BICD2: variants seen among roughly 807,000 people sequenced by gnomAD.
The protein encoded by BICD2 is protein bicaudal D homolog 2.
In BICD2, 25 loss-of-function variants were observed where a neutral mutation model predicts 72.9. The observed-to-expected ratio is 0.34, with a 90% CI of 0.25 to 0.48. BICD2 has a LOEUF of 0.48. Ranked by LOEUF, BICD2 falls within the 20% of genes least tolerant of loss-of-function variation. The probability of loss-of-function intolerance (pLI) is 0.99; values close to 1 mark genes in which losing one functional copy is unlikely to be tolerated. For missense variants in BICD2, 894 were observed against 1,175.2 expected, an observed-to-expected ratio of 0.76 and a Z score of 3.50; for synonymous variants, 501 against 516.1, an observed-to-expected ratio of 0.97 and a Z score of 0.40.
intron 1 of BICD2, among the ~76,000 whole-genome samples, chr9:92,762,864 C>T (rs963494382): frequency 6.6e-6 from 1 of 152,144 alleles, no homozygotes; most frequent in African/African-American, 2.4e-5. Flanking sequence ...GAGGGAAAAG[C>T]GCCCTAACAG....
At chr9:92,757,849 A>C (rs1214282224) in intron 1 of BICD2, among the ~76,000 whole-genome samples, 1 of 152,204 alleles carries the variant, frequency 6.6e-6, no homozygotes, top group Non-Finnish European at 1.5e-5. Context: ...ACATGGACTC[A>C]CTCTATTACT....
chr9:92,728,805 G>C (rs1853619875), intron 2 of BICD2, among the ~76,000 whole-genome samples: 1 of 152,258 alleles, frequency 6.6e-6, no homozygotes, highest in African/African-American at 2.4e-5. Flanking sequence ...AAGCAAGCCA[G>C]AGGCAGTGGA....
chr9:92,746,532 CA>C (rs60146380), intron 1 of BICD2, among the ~76,000 whole-genome samples: 35,647 of 101,498 alleles, frequency 0.35, 4,874 homozygotes, highest in East Asian at 0.75. Flanking sequence ...ACTCCGTCTC[CA>C]AAAAAAAAAA....
chr9:92,764,283 C>G lies in BICD2; in HGVS notation c.240+222G>C, dbSNP rs114439546. ...CGGGCAGCTGCAGGAGGCGACAAGGCGCCCGGACCCCTGCATTAGCGGCGT... is the reference window on the plus strand; with the variant it reads ...CGGGCAGCTGCAGGAGGCGACAAGGGGCCCGGACCCCTGCATTAGCGGCGT... On this transcript the variant is annotated intron_variant, in intron 1 of 6. Coordinates refer to ENST00000356884, the MANE Select transcript of BICD2 (RefSeq NM_001003800.2). The surrounding 1 kb of genome is among the most constrained non-coding windows in gnomAD (Gnocchi z 5.5). Among the ~76,000 whole-genome samples, 5 of 152,160 alleles carry G rather than the reference C, an allele frequency of 3.3e-5. No individual in the cohort carries two copies. The highest frequency in any genetic ancestry group is 4.8e-5 in the African/African-American group (2 of 41,456).
chr9:92,720,536 G>T lies in BICD2; in HGVS notation c.826C>A (p.Leu276Met). 1 of 1,614,216 alleles carries T rather than the reference G, an allele frequency of 6.2e-7. No homozygotes were observed. The highest frequency in any genetic ancestry group is 1.3e-5 in the African/African-American group (1 of 75,054). Residue 276 changes from leucine to methionine, a missense_variant, in exon 4 of 7, where the codon CTG (leucine) becomes ATG (methionine). Physicochemically the swap from Leu to Met is conservative, Grantham distance 15 (BLOSUM62 2). Around this residue, in one of 5 missense-constraint regions of BICD2, gnomAD observed 371 missense variants for 439.1 expected, o/e 0.84. Coordinates refer to ENST00000356884, the MANE Select transcript of BICD2 (RefSeq NM_001003800.2). This position sits in a 1 kb window ranked among gnomAD's most constrained non-coding sequence, Gnocchi z 5.4. ...SINDSFYTSH[L>M]HVSLDGLKFS... is the part of the protein sequence containing the mutation. Reference sequence around the variant, plus strand: ...TTGAGGCCATCCAGCGAGACATGCAGGTGGCTGGTGTAGAAGGAGTCATTG... The same window carrying T: ...TTGAGGCCATCCAGCGAGACATGCATGTGGCTGGTGTAGAAGGAGTCATTG...
intron 1 of BICD2, among the ~76,000 whole-genome samples, chr9:92,731,738 G>A (rs1853683509): frequency 6.6e-6 from 1 of 152,224 alleles, no homozygotes; most frequent in South Asian, 2.1e-4. Flanking sequence ...CACAGGGCCA[G>A]AATCTCCACT....
In BICD2 at chr9:92,713,779, G is replaced by C. The variant is rs1853243225; in HGVS notation, c.*1375C>G. On this transcript the variant is annotated 3_prime_UTR_variant, in exon 7 of 7. Coordinates refer to ENST00000356884, the MANE Select transcript of BICD2 (RefSeq NM_001003800.2). ...GATGAACACGCAGGGGACATACATG[G>C]GCGTGTCCTGGAGTCTGGAGGGGAC... is the stretch of plus-strand genomic sequence containing the variant. The C allele has an allele frequency of 8.0e-7, 1 of 1,252,838 alleles. No individual in the cohort carries two copies. The highest frequency in any genetic ancestry group is 1.5e-5 in the African/African-American group (1 of 65,526). 77.6% of individuals were successfully genotyped at this position (1,252,838 alleles called of 1,614,324 possible).
intron 1 of BICD2, among the ~76,000 whole-genome samples, chr9:92,735,192 A>G (rs375230875): frequency 2.0e-5 from 3 of 152,256 alleles, no homozygotes; most frequent in African/African-American, 7.2e-5. Context: ...TGGCCAACAC[A>G]TGACCGCCAA....
intron 1 of BICD2, among the ~76,000 whole-genome samples, chr9:92,740,705 T>C (rs976321): frequency 0.28 from 43,225 of 151,970 alleles, 7,131 homozygotes; most frequent in East Asian, 0.76. Context: ...CAACCATGTT[T>C]GTGTATTTTT....
At chr9:92,737,209 A>G (rs761246635) in intron 1 of BICD2, among the ~76,000 whole-genome samples, 6 of 152,176 alleles carry the variant, frequency 3.9e-5, no homozygotes, top group Non-Finnish European at 8.8e-5. Flanking sequence ...TGGGTTAATA[A>G]TGTCACCAAT....
At chr9:92,762,174 G>A (rs759102259) in intron 1 of BICD2, among the ~76,000 whole-genome samples, 22 of 151,806 alleles carry the variant, frequency 1.4e-4, no homozygotes, top group Admixed American at 1.0e-3. Flanking sequence ...GAATTAAGGC[G>A]GTACACCGCT....
chr9:92,764,691 C>T lies in BICD2; in HGVS notation c.54G>A (p.Gln18=), dbSNP rs746869464. 2 of 1,589,482 alleles carry T rather than the reference C, an allele frequency of 1.3e-6. No individual in the cohort carries two copies. Among genetic ancestry groups the T allele is most frequent in the African/African-American group, 2.7e-5 (2 of 73,828 alleles). Residue 18 remains glutamine (Q), a synonymous_variant, in exon 1 of 7, where the codon CAG becomes CAA. Transcript: ENST00000356884. The surrounding 1 kb of genome is among the most constrained non-coding windows in gnomAD (Gnocchi z 5.5). ...TCACCTCGGCGCGCAGCCACTCCGGCTGCGCCTCCATCACCAGCCGCGCGT... is the reference window on the plus strand; with the variant it reads ...TCACCTCGGCGCGCAGCCACTCCGGTTGCGCCTCCATCACCAGCCGCGCGT... ...EEYARLVMEA[Q]PEWLRAEVKR...
At chr9:92,742,436 G>A (rs1853915809) in intron 1 of BICD2, among the ~76,000 whole-genome samples, 1 of 149,274 alleles carries the variant, frequency 6.7e-6, no homozygotes, top group African/African-American at 2.5e-5. Context: ...CCAGCCTGGA[G>A]TGCAGTGGCG....
intron 2 of BICD2, among the ~76,000 whole-genome samples, chr9:92,724,317 C>A (rs2131506032): frequency 6.6e-6 from 1 of 152,276 alleles, no homozygotes. Context: ...CAAGTACACA[C>A]AAAACGATCA....
intron 1 of BICD2, among the ~76,000 whole-genome samples, chr9:92,762,950 T>G (rs893600753): frequency 6.6e-6 from 1 of 152,136 alleles, no homozygotes; most frequent in African/African-American, 2.4e-5. Context: ...CCACTCCATA[T>G]TCTCAGAGCC....
rs377454040 is a variant in BICD2, at chr9:92,715,383, G to A, written c.2339C>T (p.Ser780Leu). The A allele has an allele frequency of 5.0e-5, 80 of 1,611,898 alleles. No homozygotes were observed. The highest frequency in any genetic ancestry group is 6.6e-5 in the Non-Finnish European group (78 of 1,178,784). ...AAEDEKKTLN[S>L]LLRMAIQQKL... The stretch of plus-strand genomic sequence containing the variant: ...CTGCTGGATGGCCATGCGCAGCAGC[G>A]AGTTCAGCGTCTTCTTCTCGTCCTC... The change falls in exon 7 of 7, where the codon TCG becomes TTG. Residue 780 changes from serine (S) to leucine (L), a missense_variant. Coordinates refer to ENST00000356884, the MANE Select transcript of BICD2 (RefSeq NM_001003800.2).
chr9:92,740,008 T>C (rs1306348045), intron 1 of BICD2, among the ~76,000 whole-genome samples: 1 of 152,190 alleles, frequency 6.6e-6, no homozygotes, highest in East Asian at 1.9e-4. Flanking sequence ...AACAATATTA[T>C]TATGAGATAA....
At chr9:92,724,958 G>A (rs545479991) in intron 2 of BICD2, among the ~76,000 whole-genome samples, 1 of 152,212 alleles carries the variant, frequency 6.6e-6, no homozygotes, top group Non-Finnish European at 1.5e-5. Flanking sequence ...CTCCTCAGGC[G>A]GAGTGGAAGC....
intron 6 of BICD2, among the ~76,000 whole-genome samples, chr9:92,717,055 C>T (rs1853330832): frequency 6.6e-6 from 1 of 152,232 alleles, no homozygotes; most frequent in South Asian, 2.1e-4. Flanking sequence ...CAGTGACCTG[C>T]TCCAGCCAGG....
Sources: gnomAD v4.1 joint callset for allele counts (sites outside exome capture counted in the v4.1 genomes callset) on GRCh38, gnomAD v4.1.1 for gene constraint, gnomAD v4.1.1 regional missense constraint, Gnocchi (gnomAD v3.1) non-coding constraint, MANE v1.5 for transcripts, NCBI Gene and HGNC (gene_info 2026-07-23, HGNC 2026-07-21) for gene names.